Variants in MYLK observed in about 807,000 individuals in gnomAD.
MYLK encodes myosin light chain kinase, also known as myosin light chain kinase, smooth muscle.
Under a neutral mutation model 203.4 loss-of-function variants are expected in MYLK, and 106 were observed. The observed-to-expected ratio is 0.52, with a 90% CI of 0.45 to 0.61. MYLK has a LOEUF of 0.61. MYLK is among the 20% of genes least tolerant of loss of function. The pLI, the probability that MYLK is intolerant of heterozygous loss-of-function variation, is 0.00. For synonymous variants in MYLK, 867 were observed against 959.5 expected, an observed-to-expected ratio of 0.90 and a Z score of 1.78; for missense variants, 2,072 against 2,442.3, an observed-to-expected ratio of 0.85 and a Z score of 3.20.
chr3:123,767,307 T>C (rs1466727609), intron 4 of MYLK, among the ~76,000 whole-genome samples: 2 of 152,282 alleles, frequency 1.3e-5, no homozygotes, highest in East Asian at 3.9e-4. Context: ...TCTTCGTCTG[T>C]TAAAAACAAA....
At chr3:123,763,572 T>C (rs60273927) in intron 4 of MYLK, among the ~76,000 whole-genome samples, 8,020 of 152,284 alleles carry the variant, frequency 0.053, 696 homozygotes, top group African/African-American at 0.18. Flanking sequence ...AACCTTTTTT[T>C]TTCTTCAGAA....
rs986277244 is a variant in MYLK, at chr3:123,759,411, G to A, written c.166-6873C>T. On this transcript the variant is annotated intron_variant, in intron 4 of 33. Coordinates refer to ENST00000360304, the MANE Select transcript of MYLK (RefSeq NM_053025.4). ...TCTCCAGTTTCTGCTACCAAATAGA[G>A]ATGCACTCTCAGACATATTAAGTAT... 4.6e-5 allele frequency among the ~76,000 whole-genome samples: 7 copies of A among 152,226 alleles called. 1 individual carries two copies. The highest frequency in any genetic ancestry group is 4.6e-4 in the Admixed American group (7 of 15,286).
intron 3 of MYLK, among the ~76,000 whole-genome samples, chr3:123,798,103 C>T (rs538336993): frequency 4.2e-4 from 64 of 152,280 alleles, no homozygotes; most frequent in Middle Eastern, 6.8e-3. Context: ...GCAAGGTGTA[C>T]GTGCTGACAT....
At chr3:123,698,638 G>A (rs1323805422) in intron 18 of MYLK, among the ~76,000 whole-genome samples, 1 of 152,134 alleles carries the variant, frequency 6.6e-6, no homozygotes, top group Non-Finnish European at 1.5e-5. Flanking sequence ...GGAGGACCCT[G>A]CCAATCTGAG....
chr3:123,705,876 A>G (rs2061442293), intron 16 of MYLK, among the ~76,000 whole-genome samples: 1 of 152,208 alleles, frequency 6.6e-6, no homozygotes, highest in African/African-American at 2.4e-5. Flanking sequence ...GTATTATCTC[A>G]AAGTGCTACT....
chr3:123,660,981 G>A (rs945997867), intron 23 of MYLK, among the ~76,000 whole-genome samples: 1 of 152,150 alleles, frequency 6.6e-6, no homozygotes, highest in African/African-American at 2.4e-5. Flanking sequence ...CTATTTTATT[G>A]AGCAATTCTA....
chr3:123,730,174 G>A (rs1449863713), intron 11 of MYLK, among the ~76,000 whole-genome samples: 1 of 152,144 alleles, frequency 6.6e-6, no homozygotes, highest in Admixed American at 6.5e-5. Context: ...GTTACAGTGA[G>A]CTATTATCAT....
intron 12 of MYLK, among the ~76,000 whole-genome samples, chr3:123,723,854 T>A (rs1448568847): frequency 6.6e-6 from 1 of 152,246 alleles, no homozygotes; most frequent in African/African-American, 2.4e-5. Context: ...GAATGCTAAT[T>A]GCAGCTTGTT....
chr3:123,793,838 C>T lies in MYLK; in HGVS notation c.4G>A (p.Gly2Arg). Residue 2 changes from glycine (G) to arginine (R), a missense_variant, in exon 4 of 34, where the codon GGG (glycine) becomes AGG (arginine). Coordinates refer to ENST00000360304, the MANE Select transcript of MYLK (RefSeq NM_053025.4). ...GACGAGGCAACCAGCTTCACATCCC[C>T]CATGGTCTGCAAAAAGGAAGGAAGA... M[G>R]DVKLVASSHI... 6.2e-7 allele frequency: 1 copy of T among 1,614,158 alleles called. No homozygotes were observed. The highest frequency in any genetic ancestry group is 8.5e-7 in the Non-Finnish European group (1 of 1,180,016).
rs551341163 is a variant in MYLK, at chr3:123,757,194, T to C, written c.166-4656A>G. Among the ~76,000 whole-genome samples the C allele has an allele frequency of 9.3e-4, 141 of 152,362 alleles. 3 individuals are homozygous for C. The South Asian group carries it at 0.017, about 18-fold the overall frequency. ...AGCACTAAACATTTTGGTTTTTCTC[T>C]AACATATATCAAGGGCTTTCAACTT... is the stretch of plus-strand genomic sequence containing the variant. On this transcript the variant is annotated intron_variant, in intron 4 of 33. Transcript: ENST00000360304.
chr3:123,866,734 G>A lies in MYLK; in HGVS notation c.-127+9825C>T, dbSNP rs76162843. 7.4e-4 allele frequency among the ~76,000 whole-genome samples: 113 copies of A among 152,120 alleles called. 2 individuals carry two copies. In the South Asian group the frequency reaches 0.011, roughly 15 times the overall value. On this transcript the variant is annotated intron_variant, in intron 2 of 33. Transcript: ENST00000360304. ...CACCCATATCAGCTGCTCACACCTC[G>A]TCACCCAGACAGACCTCAGGACAAC...
chr3:123,702,216 G>T (rs1280902936), intron 16 of MYLK, among the ~76,000 whole-genome samples: 2 of 152,136 alleles, frequency 1.3e-5, no homozygotes, highest in Non-Finnish European at 2.9e-5. Context: ...CAGTGCAGTG[G>T]ATTTGCAGCA....
chr3:123,857,124 G>A (rs372093004), intron 2 of MYLK, among the ~76,000 whole-genome samples: 201 of 151,882 alleles, frequency 1.3e-3, no homozygotes, highest in South Asian at 2.1e-3. Flanking sequence ...TTAGAATGGC[G>A]ATCATTAAAA....
At chr3:123,677,954 C>A (rs1189773627) in intron 20 of MYLK, among the ~76,000 whole-genome samples, 1 of 138,624 alleles carries the variant, frequency 7.2e-6, no homozygotes, top group African/African-American at 2.7e-5. Flanking sequence ...CCTGAGACTG[C>A]AGCCAGGCCA....
intron 27 of MYLK, among the ~76,000 whole-genome samples, chr3:123,643,279 T>C (rs1298463993): frequency 6.6e-6 from 1 of 152,166 alleles, no homozygotes; most frequent in African/African-American, 2.4e-5. Flanking sequence ...CCGACTATAT[T>C]TGGCACAGAC....
intron 1 of MYLK, among the ~76,000 whole-genome samples, chr3:123,877,540 A>G (rs1326980932): frequency 6.6e-6 from 1 of 152,210 alleles, no homozygotes; most frequent in Non-Finnish European, 1.5e-5. Context: ...TGCCTGCCCA[A>G]TCACAATAAG....
chr3:123,805,881 A>G (rs2065348349), intron 3 of MYLK, among the ~76,000 whole-genome samples: 1 of 152,248 alleles, frequency 6.6e-6, no homozygotes, highest in Admixed American at 6.5e-5. Context: ...AAAATACTCA[A>G]TACATTGTAA....
In MYLK at chr3:123,707,856, T is replaced by C; in HGVS notation, c.2288A>G (p.Lys763Arg). ...AAGCACCTCGAAGTGGCCAGTGTCT[T>C]TGCAGAGGGCTTTGCCATCTCTGAG... ...HWLRDGKALC[K>R]DTGHFEVLQN... The change falls in exon 16 of 34, where the codon AAA (lysine) becomes AGA (arginine). Residue 763 changes from lysine (K) to arginine (R), a missense_variant. Lys to Arg is a conservative substitution (Grantham distance 26). This residue lies in a region of MYLK where 865 missense variants were observed against 1,016.0 expected (regional missense o/e 0.85). Coordinates refer to ENST00000360304, the MANE Select transcript of MYLK (RefSeq NM_053025.4). 1 of 1,614,202 alleles carries C rather than the reference T, an allele frequency of 6.2e-7. No homozygotes were observed. Among genetic ancestry groups the C allele is most frequent in the Middle Eastern group, 1.6e-4 (1 of 6,062 alleles).
intron 13 of MYLK, among the ~76,000 whole-genome samples, chr3:123,721,204 A>T (rs532396685): frequency 2.4e-4 from 37 of 152,312 alleles, no homozygotes; most frequent in Non-Finnish European, 4.3e-4. Context: ...GGCTACTCAT[A>T]CAACACGGAG....
Sources: gnomAD v4.1 joint callset for allele counts (sites outside exome capture counted in the v4.1 genomes callset) on GRCh38, gnomAD v4.1.1 for gene constraint, gnomAD v4.1.1 regional missense constraint, MANE v1.5 for transcripts, NCBI Gene and HGNC (gene_info 2026-07-23, HGNC 2026-07-21) for gene names.